The following SRGAP3 variants were observed in gnomAD, a reference collection of about 807,000 sequenced individuals.
SRGAP3 encodes the protein SLIT-ROBO Rho GTPase activating protein 3, also known as SLIT-ROBO Rho GTPase-activating protein 3.
In SRGAP3, 39 loss-of-function variants were observed where a neutral mutation model predicts 121.1. That is an observed-to-expected ratio of 0.32 (90% CI 0.25 to 0.42). SRGAP3 has a LOEUF of 0.42. Among genes scored for constraint, SRGAP3 ranks in the 10% least tolerant of loss-of-function variants. The pLI, the probability that SRGAP3 is intolerant of heterozygous loss-of-function variation, is 1.00. For synonymous variants in SRGAP3, 601 were observed against 570.0 expected (o/e 1.05, Z -0.77); for missense variants, 1,213 against 1,470.6 (o/e 0.82, Z 2.86).
At chr3:9,268,907 A>G (rs1367361276) in intron 3 of SRGAP3, among the ~76,000 whole-genome samples, 1 of 152,130 alleles carries the variant, frequency 6.6e-6, no homozygotes, top group Non-Finnish European at 1.5e-5. Context: ...TTGCTCCCTG[A>G]GACATCCAAC....
intron 4 of SRGAP3, among the ~76,000 whole-genome samples, chr3:9,078,808 C>G (rs1173733233): frequency 6.6e-6 from 1 of 152,166 alleles, no homozygotes; most frequent in African/African-American, 2.4e-5. Flanking sequence ...CAACTAAAAA[C>G]TACCCACAAC....
chr3:9,268,878 G>A (rs1954420111), intron 3 of SRGAP3, among the ~76,000 whole-genome samples: 1 of 152,164 alleles, frequency 6.6e-6, no homozygotes. Flanking sequence ...TTCCCCAGAA[G>A]TTCTGATATA....
intron 7 of SRGAP3, 63 bp from the exon 8 acceptor site, chr3:9,056,397 G>T: frequency 6.5e-7 from 1 of 1,544,816 alleles, no homozygotes. Flanking sequence ...GTGGAGCTAG[G>T]GCAGGGGCTA....
At chr3:9,306,754 G>C (rs1302564484) in intron 3 of SRGAP3, among the ~76,000 whole-genome samples, 1 of 151,816 alleles carries the variant, frequency 6.6e-6, no homozygotes, top group African/African-American at 2.4e-5. Context: ...CTGAGGAGGA[G>C]GTCCTCTCTT....
intron 3 of SRGAP3, among the ~76,000 whole-genome samples, chr3:9,101,730 G>T (rs1017382386): frequency 5.3e-5 from 8 of 152,138 alleles, no homozygotes; most frequent in Non-Finnish European, 7.3e-5. Context: ...AACTAGTAAG[G>T]TCCCTTTTTC....
chr3:9,227,373 T>C (rs1016517741), intron 1 of SRGAP3, among the ~76,000 whole-genome samples: 1 of 152,072 alleles, frequency 6.6e-6, no homozygotes, highest in Non-Finnish European at 1.5e-5. Flanking sequence ...TGGGTAAGAG[T>C]AATAACAGAG....
At chr3:9,307,382 C>T (rs1184164015) in intron 3 of SRGAP3, among the ~76,000 whole-genome samples, 2 of 152,192 alleles carry the variant, frequency 1.3e-5, no homozygotes, top group Admixed American at 6.5e-5. Flanking sequence ...GCTGGAAATG[C>T]TGATGGCATG....
At chr3:9,002,983 T>C (rs1225046854) in intron 18 of SRGAP3, among the ~76,000 whole-genome samples, 1 of 152,202 alleles carries the variant, frequency 6.6e-6, no homozygotes. Flanking sequence ...GATGGCTACA[T>C]TGTTGAATTC....
chr3:9,052,870 C>G (rs1945648716), intron 9 of SRGAP3, among the ~76,000 whole-genome samples, 157 bp downstream of exon 9: 1 of 152,066 alleles, frequency 6.6e-6, no homozygotes, highest in South Asian at 2.1e-4. Context: ...TTCAGAAAAC[C>G]AAGCCAGGCA....
At chr3:9,189,076 A>G (rs1951680177) in intron 1 of SRGAP3, among the ~76,000 whole-genome samples, 1 of 152,144 alleles carries the variant, frequency 6.6e-6, no homozygotes, top group Non-Finnish European at 1.5e-5. Context: ...ACTTGTCTAG[A>G]TTTCTGCCAT....
chr3:9,336,888 T>TTC (rs752928352), intron 1 of SRGAP3, among the ~76,000 whole-genome samples: 6 of 151,856 alleles, frequency 4.0e-5, no homozygotes, highest in South Asian at 2.1e-4. Flanking sequence ...GGCTGCCAAT[T>TTC]TCTCTCTCTC....
In SRGAP3 at chr3:9,349,201, G is replaced by A. The variant is rs548345233; in HGVS notation, n.214+13639C>T. On this transcript the variant is annotated intron_variant and non_coding_transcript_variant, in intron 1 of 3. Coordinates refer to the SRGAP3 transcript ENST00000490889. Reference sequence around the variant, plus strand: ...GTAAGGCCAAGAAGTAAAGGCCAGCGGGCAGGCTACTGTCCCCAGGAGCAC... The same window carrying A: ...GTAAGGCCAAGAAGTAAAGGCCAGCAGGCAGGCTACTGTCCCCAGGAGCAC... 59 of 687,184 alleles carry A rather than the reference G, an allele frequency of 8.6e-5. No individual in the cohort carries two copies. In the East Asian group the frequency reaches 1.0e-3, roughly 12 times the overall value. 42.6% of individuals were successfully genotyped at this position (687,184 alleles called of 1,614,324 possible).
intron 4 of SRGAP3, among the ~76,000 whole-genome samples, chr3:9,066,665 A>G (rs1036977713): frequency 1.8e-4 from 27 of 152,206 alleles, no homozygotes; most frequent in African/African-American, 6.3e-4. Flanking sequence ...ATGCCCGGCT[A>G]ATGTTTATAT....
In SRGAP3 at chr3:9,136,404, C is replaced by G. The variant is rs866601237; in HGVS notation, c.68-11487G>C. 3.5e-4 allele frequency among the ~76,000 whole-genome samples: 45 copies of G among 127,046 alleles called. 1 individual carries two copies. The highest frequency in any genetic ancestry group is 2.1e-3 in the East Asian group (9 of 4,358). 83.3% of individuals were successfully genotyped at this position (127,046 alleles called of 152,430 possible). A position where few individuals can be genotyped will look rare whatever the true frequency, so the allele number is the denominator to read the frequency against. ...GCAACCGTCGCTGGGACCCCCCCCC[C>G]CCCCGACCGCCCCGCCCCGCCCCGC... On this transcript the variant is annotated intron_variant, in intron 1 of 21. Coordinates refer to ENST00000383836, the MANE Select transcript of SRGAP3 (RefSeq NM_014850.4).
intron 7 of SRGAP3, among the ~76,000 whole-genome samples, chr3:9,057,332 C>A (rs1480948693): frequency 6.6e-6 from 1 of 152,202 alleles, no homozygotes; most frequent in East Asian, 1.9e-4. Flanking sequence ...CAGTAGCGCT[C>A]TGTGGACTGT....
At chr3:9,305,573 C>T (rs1955145832) in intron 3 of SRGAP3, among the ~76,000 whole-genome samples, 2 of 151,902 alleles carry the variant, frequency 1.3e-5, no homozygotes, top group South Asian at 4.2e-4. Flanking sequence ...TCCCACCCCC[C>T]GACAGGCCCC....
At chr3:9,031,035 G>A (rs936394778) in intron 12 of SRGAP3, among the ~76,000 whole-genome samples, 2 of 152,048 alleles carry the variant, frequency 1.3e-5, no homozygotes. Flanking sequence ...CTGCAGCCTT[G>A]ATCTACCAGG....
chr3:9,250,891 A>G (rs1213900463), upstream of SRGAP3, among the ~76,000 whole-genome samples: 2 of 152,242 alleles, frequency 1.3e-5, no homozygotes, highest in Non-Finnish European at 2.9e-5. Flanking sequence ...GTCAAGCACT[A>G]AAGAGTCGCT....
chr3:9,112,830 C>T (rs1201085745), intron 2 of SRGAP3, among the ~76,000 whole-genome samples: 2 of 152,202 alleles, frequency 1.3e-5, no homozygotes, highest in African/African-American at 4.8e-5. Context: ...CCCTCTCTAG[C>T]TTATGTCTGT....
Sources: allele counts gnomAD v4.1 joint callset (sites outside exome capture counted in the v4.1 genomes callset), GRCh38; gene constraint gnomAD v4.1.1; transcripts MANE v1.5; gene names NCBI Gene and HGNC (gene_info 2026-07-23, HGNC 2026-07-21).